The following GATA5 variants were observed in gnomAD, a reference collection of about 807,000 sequenced individuals.
GATA5 encodes the protein GATA binding protein 5, also known as transcription factor GATA-5.
In GATA5, 27 loss-of-function variants were observed where a neutral mutation model predicts 35.0. That is an observed-to-expected ratio of 0.77 (90% confidence interval 0.57 to 1.06). The LOEUF (loss-of-function observed/expected upper bound fraction) is 1.06. GATA5 is among the 50% of genes least tolerant of loss of function. The probability of loss-of-function intolerance (pLI) is 0.00; values close to 1 mark genes in which losing one functional copy is unlikely to be tolerated. For synonymous variants in GATA5, 306 were observed against 267.8 expected (o/e 1.14, Z -1.39); for missense variants, 612 against 580.0 (o/e 1.06, Z -0.57).
rs1255251984 is a variant in GATA5, at chr20:62,464,819, T to C, written c.*17A>G. 6.4e-7 allele frequency: 1 copy of C among 1,568,992 alleles called. No homozygotes were observed. The highest frequency in any genetic ancestry group is 8.6e-7 in the Non-Finnish European group (1 of 1,156,214). ...TCTGTTCCAGGCTGTTCCCCTGACA[T>C]GGGCTGGCCTGGGGACCTAGGCCAA... is the stretch of plus-strand genomic sequence containing the variant. On this transcript the variant is annotated 3_prime_UTR_variant, in exon 7 of 7. Coordinates refer to ENST00000252997, the MANE Select transcript of GATA5 (RefSeq NM_080473.5).
At chr20:62,465,677 A>AC (rs782355071) in intron 5 of GATA5, among the ~76,000 whole-genome samples, 157 bp downstream of exon 5, 36 of 150,118 alleles carry the variant, frequency 2.4e-4, no homozygotes, top group East Asian at 9.9e-4. Flanking sequence ...GGCACCCCAC[A>AC]CCCCCCCCAG....
At chr20:62,474,969 G>T in intron 2 of GATA5, 30 bp downstream of exon 2, 2 of 1,278,366 alleles carry the variant, frequency 1.6e-6, no homozygotes, top group Non-Finnish European at 9.9e-7. Context: ...CCGCTCCTGG[G>T]CCCCGAGACT....
intron 2 of GATA5, 32 bp from the exon 3 acceptor site, chr20:62,473,610 C>A: frequency 6.4e-7 from 1 of 1,554,932 alleles, no homozygotes; most frequent in East Asian, 2.4e-5. Flanking sequence ...GGGCCCGGGC[C>A]CTCCCCTCCC....
Position 62,473,590 on chromosome 20 carries a change from G to A in GATA5, c.524-12C>T, listed in dbSNP as rs527597541. 1 of 1,574,194 alleles carries A rather than the reference G, an allele frequency of 6.4e-7. No homozygotes were observed. The highest frequency in any genetic ancestry group is 1.8e-5 in the Admixed American group (1 of 54,486). ...CAAGAAGTCGGACACTGAGGGGACA[G>A]GCAGCTGGTGGGCCCGGGCCCTCCC... is the stretch of plus-strand genomic sequence containing the variant. On this transcript the variant is annotated splice_polypyrimidine_tract_variant and intron_variant, in intron 2 of 6. Coordinates refer to ENST00000252997, the MANE Select transcript of GATA5 (RefSeq NM_080473.5).
intron 4 of GATA5, 86 bp from the exon 5 acceptor site, chr20:62,466,007 A>C (rs1266147545): frequency 1.6e-5 from 15 of 964,568 alleles, no homozygotes; most frequent in Non-Finnish European, 2.2e-5. Context: ...CCAGCCCCCC[A>C]GAGCCGGTCA....
chr20:62,474,823 T>A (rs1989811760), intron 2 of GATA5, among the ~76,000 whole-genome samples, 176 bp downstream of exon 2: 1 of 152,262 alleles, frequency 6.6e-6, no homozygotes, highest in African/African-American at 2.4e-5. Flanking sequence ...TGGATGGGTG[T>A]TTCCCGTGCG....
At chr20:62,467,319 G>T (rs372628667) in intron 3 of GATA5, among the ~76,000 whole-genome samples, 4 of 152,318 alleles carry the variant, frequency 2.6e-5, no homozygotes, top group Admixed American at 2.0e-4. Context: ...TGGACCAGGG[G>T]CCTCCCACCA....
At position 62,463,508 on chromosome 20, in the gene GATA5, G is replaced by A. The variant is rs1989493817; in HGVS notation, c.*1328C>T. The A allele has an allele frequency of 2.0e-5, 3 of 152,246 alleles. No individual in the cohort carries two copies. The highest frequency in any genetic ancestry group is 4.8e-5 in the African/African-American group (2 of 41,502). 9.4% of individuals were successfully genotyped at this position (152,246 alleles called of 1,614,324 possible). A position where few individuals can be genotyped will look rare whatever the true frequency, so the allele number is the denominator to read the frequency against. On this transcript the variant is annotated 3_prime_UTR_variant, in exon 7 of 7. Transcript: ENST00000252997. The stretch of plus-strand genomic sequence containing the variant: ...GAAGGGAGAGTGAGTGAGGTTCAAG[G>A]CTTTATTTCACTTTCCCTGTGGCTT...
intron 6 of GATA5, 127 bp downstream of exon 6, chr20:62,465,213 C>A: frequency 8.9e-7 from 1 of 1,122,704 alleles, no homozygotes; most frequent in South Asian, 1.6e-5. Flanking sequence ...TACTGATGGC[C>A]GAAGGCAGCC....
Position 62,475,407 on chromosome 20 carries a change from C to A in GATA5, c.115G>T (p.Val39Phe). ...GACAGGTAGGACAGCATCGAGGGGA[C>A]GCGCGCCGGCGGCACAAACATCGGA... ...GSPMFVPPAR[V>F]PSMLSYLSGC... is the part of the protein sequence containing the mutation. Residue 39 changes from valine (V) to phenylalanine (F), a missense_variant, in exon 2 of 7, where the codon GTC becomes TTC. By Grantham distance (50) the Val-to-Phe change is conservative. Coordinates refer to ENST00000252997, the MANE Select transcript of GATA5 (RefSeq NM_080473.5). The A allele has an allele frequency of 7.4e-7, 1 of 1,355,772 alleles. No individual in the cohort carries two copies. Among genetic ancestry groups the A allele is most frequent in the South Asian group, 1.9e-5 (1 of 53,922 alleles). 84.0% of individuals were successfully genotyped at this position (1,355,772 alleles called of 1,614,324 possible). A position where few individuals can be genotyped will look rare whatever the true frequency, so the allele number is the denominator to read the frequency against.
At chr20:62,465,569 G>T in intron 5 of GATA5, 105 bp from the exon 6 acceptor site, 1 of 1,431,158 alleles carries the variant, frequency 7.0e-7, no homozygotes, top group Non-Finnish European at 9.4e-7. Flanking sequence ...GAGGTTTGGA[G>T]ACTCCTCACG....
intron 3 of GATA5, among the ~76,000 whole-genome samples, chr20:62,468,137 C>T (rs1465117138): frequency 6.7e-6 from 1 of 150,014 alleles, no homozygotes; most frequent in Non-Finnish European, 1.5e-5. Flanking sequence ...CAGCCAGCCT[C>T]GGCTTCCCCG....
Position 62,470,296 on chromosome 20 carries a change from G to A in GATA5, c.699+3107C>T, listed in dbSNP as rs1989691959. Among the ~76,000 whole-genome samples, 1 of 152,248 alleles carries A rather than the reference G, an allele frequency of 6.6e-6. No homozygotes were observed. Among genetic ancestry groups the A allele is most frequent in the African/African-American group, 2.4e-5 (1 of 41,470 alleles). ...CGCCGGGAAACACTTTGGAGTAAAG[G>A]TGCAGGTCACAGTGACCCGCAGTGC... On this transcript the variant is annotated intron_variant, in intron 3 of 6. Coordinates refer to ENST00000252997, the MANE Select transcript of GATA5 (RefSeq NM_080473.5). This position sits in a 1 kb window ranked among gnomAD's most constrained non-coding sequence, Gnocchi z 4.6.
At chr20:62,465,246 G>C in intron 6 of GATA5, 94 bp downstream of exon 6, 2 of 1,343,324 alleles carry the variant, frequency 1.5e-6, no homozygotes, top group Non-Finnish European at 2.0e-6. Context: ...CCACCTGCTG[G>C]AAGAGGCTCC....
At chr20:62,466,676 G>GCCAGGCGAGGC in intron 3 of GATA5, 125 bp from the exon 4 acceptor site, 1 of 1,107,808 alleles carries the variant, frequency 9.0e-7, no homozygotes, top group Non-Finnish European at 1.3e-6. Context: ...CGTGAGCTCT[G>GCCAGGCGAGGC]CAATGGCCTC....
chr20:62,465,949 G>A (rs1555896056), intron 4 of GATA5, 28 bp from the exon 5 acceptor site: 4 of 1,509,954 alleles, frequency 2.6e-6, no homozygotes, highest in Non-Finnish European at 3.6e-6. Flanking sequence ...GGTGGAGGCT[G>A]GTCCCATCCC....
In GATA5 at chr20:62,464,564, G is replaced by T. The variant is rs112195861; in HGVS notation, c.*272C>A. The T allele has an allele frequency of 3.2e-3, 1,088 of 342,646 alleles. 6 individuals are homozygous for T. The highest frequency in any genetic ancestry group is 0.019 in the African/African-American group (905 of 47,062). 21.2% of individuals were successfully genotyped at this position (342,646 alleles called of 1,614,324 possible). A position where few individuals can be genotyped will look rare whatever the true frequency, so the allele number is the denominator to read the frequency against. On this transcript the variant is annotated 3_prime_UTR_variant, in exon 7 of 7. Transcript: ENST00000252997. ...CGTTGGCCTCCGCCGCAGGGGGCCA[G>T]TGTGGTCCGGAGCCTTGGGCCGCAC...
intron 3 of GATA5, among the ~76,000 whole-genome samples, chr20:62,472,743 G>C (rs782170889): frequency 7.2e-5 from 11 of 152,312 alleles, no homozygotes; most frequent in South Asian, 2.1e-4. Context: ...CCCTGCCTGG[G>C]GCAAAAGTCC....
intron 3 of GATA5, among the ~76,000 whole-genome samples, chr20:62,469,529 C>T (rs782690648): frequency 8.5e-5 from 13 of 152,228 alleles, no homozygotes; most frequent in African/African-American, 2.2e-4. Context: ...CACGCCCCGA[C>T]GGAGCCACGT....
Sources: allele counts gnomAD v4.1 joint callset (sites outside exome capture counted in the v4.1 genomes callset), GRCh38; gene constraint gnomAD v4.1.1; non-coding constraint Gnocchi (gnomAD v3.1); transcripts MANE v1.5; gene names NCBI Gene and HGNC (gene_info 2026-07-23, HGNC 2026-07-21).